ADIPOQ: variants seen among roughly 807,000 people sequenced by gnomAD.
ADIPOQ encodes adiponectin.
In ADIPOQ, 19 loss-of-function variants were observed where a neutral mutation model predicts 16.1. The ratio of observed to expected loss-of-function variants is 1.18; its 90% CI spans 0.82 to 1.73. The LOEUF is 1.73. Ranked by LOEUF, ADIPOQ falls within the 40% of genes most tolerant of loss-of-function variation. ADIPOQ has a pLI of 0.00. For missense variants in ADIPOQ, 323 were observed against 308.3 expected (o/e 1.05, Z -0.36); for synonymous variants, 124 against 125.5 (o/e 0.99, Z 0.08).
At chr3:186,843,258 G>A (rs1560105603) in intron 1 of ADIPOQ, among the ~76,000 whole-genome samples, 1 of 152,158 alleles carries the variant, frequency 6.6e-6, no homozygotes, top group Admixed American at 6.5e-5. Context: ...CAAATTCTAT[G>A]GGCTAGACAG....
intron 1 of ADIPOQ, 160 bp from the exon 2 acceptor site, chr3:186,852,891 C>A: frequency 1.5e-6 from 1 of 678,558 alleles, no homozygotes. Context: ...TCAAGGTGGG[C>A]TGCAATATTC....
chr3:186,853,041 T>G lies in ADIPOQ; in HGVS notation c.-8-10T>G, dbSNP rs1018704392. On this transcript the variant is annotated splice_polypyrimidine_tract_variant and intron_variant, in intron 1 of 2. Transcript: ENST00000320741. ...CTCTCCATGGCTGACAGTGCACATG[T>G]GGATTCCAGGGCTCAGGATGCTGTT... is the stretch of plus-strand genomic sequence containing the variant. 1 of 1,614,020 alleles carries G rather than the reference T, an allele frequency of 6.2e-7. No individual in the cohort carries two copies. The highest frequency in any genetic ancestry group is 1.3e-5 in the African/African-American group (1 of 74,952).
intron 1 of ADIPOQ, among the ~76,000 whole-genome samples, chr3:186,848,811 C>T (rs910970062): frequency 2.6e-5 from 4 of 152,132 alleles, no homozygotes; most frequent in African/African-American, 9.7e-5. Flanking sequence ...AAATTAGGCA[C>T]GTTTGCACTG....
intron 1 of ADIPOQ, among the ~76,000 whole-genome samples, chr3:186,848,516 T>C (rs902334922): frequency 6.6e-6 from 1 of 152,190 alleles, no homozygotes; most frequent in Admixed American, 6.5e-5. Flanking sequence ...TCCGAAAGCA[T>C]GACACGGAGC....
chr3:186,848,521 C>T (rs1048216779), intron 1 of ADIPOQ, among the ~76,000 whole-genome samples: 6 of 152,170 alleles, frequency 3.9e-5, no homozygotes, highest in Admixed American at 1.3e-4. Flanking sequence ...AAGCATGACA[C>T]GGAGCTTCTC....
intron 1 of ADIPOQ, among the ~76,000 whole-genome samples, chr3:186,844,396 C>T (rs573827955): frequency 6.6e-4 from 101 of 151,960 alleles, no homozygotes; most frequent in African/African-American, 2.2e-3. Flanking sequence ...CCACCTGCCT[C>T]GGCCTCCCAA....
In ADIPOQ at chr3:186,855,017, C is replaced by T. The variant is rs1348841767; in HGVS notation, c.*313C>T. The T allele has an allele frequency of 2.4e-6, 1 of 409,120 alleles. No homozygotes were observed. The highest frequency in any genetic ancestry group is 4.6e-6 in the Non-Finnish European group (1 of 219,508). 25.3% of individuals were successfully genotyped at this position (409,120 alleles called of 1,614,324 possible). A position where few individuals can be genotyped will look rare whatever the true frequency, so the allele number is the denominator to read the frequency against. On this transcript the variant is annotated 3_prime_UTR_variant, in exon 3 of 3. Coordinates refer to ENST00000320741, the MANE Select transcript of ADIPOQ (RefSeq NM_004797.4). ...TAAGGCACAGGGAACAAGCATTCTC[C>T]TGTTTTTACAGATTGTATCCTGAGG... is the stretch of plus-strand genomic sequence containing the variant.
chr3:186,844,333 A>G (rs1272499877), intron 1 of ADIPOQ, among the ~76,000 whole-genome samples: 1 of 152,030 alleles, frequency 6.6e-6, no homozygotes, highest in Non-Finnish European at 1.5e-5. Context: ...TTTTTAGTAG[A>G]GATGGGGTTC....
rs1712048114 is a variant in ADIPOQ, at chr3:186,857,481, A to G, written c.*2777A>G. The G allele has an allele frequency of 6.6e-6, 1 of 152,220 alleles. No individual in the cohort carries two copies. The highest frequency in any genetic ancestry group is 2.1e-4 in the South Asian group (1 of 4,832). The allele number at this position is 152,220 out of a possible 1,614,324, so 9.4% of individuals were successfully genotyped here. On this transcript the variant is annotated 3_prime_UTR_variant, in exon 3 of 3. Transcript: ENST00000320741. Reference sequence around the variant, plus strand: ...CTCTAAAATTTCAACAAGTAGCTAAAGTCTGGCTATGCTCACAGTCTCACA... The same window carrying G: ...CTCTAAAATTTCAACAAGTAGCTAAGGTCTGGCTATGCTCACAGTCTCACA...
At chr3:186,848,159 C>G in intron 1 of ADIPOQ, among the ~76,000 whole-genome samples, 1 of 120,614 alleles carries the variant, frequency 8.3e-6, no homozygotes, top group Admixed American at 9.8e-5. Flanking sequence ...GGCCACAAAG[C>G]GAGACTCCAC....
intron 1 of ADIPOQ, among the ~76,000 whole-genome samples, chr3:186,844,463 A>C (rs1711524612): frequency 1.3e-5 from 2 of 149,794 alleles, no homozygotes; most frequent in Middle Eastern, 3.2e-3. Flanking sequence ...TTAAGCTGAG[A>C]TCACAGCATT....
intron 1 of ADIPOQ, among the ~76,000 whole-genome samples, chr3:186,846,689 G>C (rs1711589660): frequency 6.6e-6 from 1 of 152,136 alleles, no homozygotes; most frequent in East Asian, 1.9e-4. Context: ...ATTCCAGTAG[G>C]TCAAAGTGAA....
At chr3:186,847,972 G>A (rs1271007728) in intron 1 of ADIPOQ, among the ~76,000 whole-genome samples, 1 of 152,102 alleles carries the variant, frequency 6.6e-6, no homozygotes, top group African/African-American at 2.4e-5. Context: ...AGGAGTTTGA[G>A]ACCAGCCCGG....
intron 1 of ADIPOQ, among the ~76,000 whole-genome samples, chr3:186,845,034 T>C (rs1256169945): frequency 6.6e-6 from 1 of 152,046 alleles, no homozygotes; most frequent in African/African-American, 2.4e-5. Context: ...GTTTTATTAG[T>C]TCCTTGACAG....
intron 1 of ADIPOQ, among the ~76,000 whole-genome samples, chr3:186,851,388 AC>A (rs1318356101): frequency 6.6e-6 from 1 of 151,938 alleles, no homozygotes; most frequent in Non-Finnish European, 1.5e-5. Context: ...GAAGACTAAG[AC>A]CTCAGCAATC....
chr3:186,847,643 CAATT>C (rs1044033896), intron 1 of ADIPOQ, among the ~76,000 whole-genome samples: 1 of 152,134 alleles, frequency 6.6e-6, no homozygotes, highest in Non-Finnish European at 1.5e-5. Flanking sequence ...TGACCAAAAA[CAATT>C]AAGCAGATTC....
At chr3:186,845,012 G>T (rs971321769) in intron 1 of ADIPOQ, among the ~76,000 whole-genome samples, 1 of 152,062 alleles carries the variant, frequency 6.6e-6, no homozygotes, top group Admixed American at 6.6e-5. Context: ...GTGGTGGTGC[G>T]TGGGATGCTC....
rs1317171752 is a variant in ADIPOQ at position 186,854,533 on chromosome 3, G to T, written c.564G>T (p.Gln188His). 1 of 1,614,196 alleles carries T rather than the reference G, an allele frequency of 6.2e-7. No homozygotes were observed. Among genetic ancestry groups the T allele is most frequent in the East Asian group, 2.2e-5 (1 of 44,888 alleles). Residue 188 changes from glutamine (Q) to histidine (H), a missense_variant, in exon 3 of 3, where the codon CAG becomes CAT. Transcript: ENST00000320741. ...AGGCTATGCTCTTCACCTATGATCA[G>T]TACCAGGAAAATAATGTGGACCAGG... ...KDKAMLFTYDQYQENNVDQAS... is the reference protein window; with the variant it reads ...KDKAMLFTYDHYQENNVDQAS...
At chr3:186,848,108 G>C (rs1300679295) in intron 1 of ADIPOQ, among the ~76,000 whole-genome samples, 1 of 151,638 alleles carries the variant, frequency 6.6e-6, no homozygotes, top group African/African-American at 2.4e-5. Flanking sequence ...AGGAGGCGGA[G>C]GTTGCAGTGA....
Sources: allele counts gnomAD v4.1 joint callset (sites outside exome capture counted in the v4.1 genomes callset), GRCh38; gene constraint gnomAD v4.1.1; transcripts MANE v1.5; gene names NCBI Gene and HGNC (gene_info 2026-07-23, HGNC 2026-07-21).